CFHR4: variants seen among roughly 807,000 people sequenced by gnomAD.
CFHR4 encodes the protein complement factor H-related protein 4.
A neutral mutation model predicts 69.3 loss-of-function variants in CFHR4; 64 were observed. The ratio of observed to expected loss-of-function variants is 0.92; its 90% CI spans 0.76 to 1.14. CFHR4 has a LOEUF of 1.14. Among genes scored for constraint, CFHR4 ranks in the 50% most tolerant of loss-of-function variants. The pLI, the probability that CFHR4 is intolerant of heterozygous loss-of-function variation, is 0.00. For synonymous variants in CFHR4, 244 were observed against 237.0 expected (o/e 1.03, Z -0.27); for missense variants, 636 against 684.9 (o/e 0.93, Z 0.80).
At chr1:196,907,165 A>G in intron 4 of CFHR4, 128 bp downstream of exon 4, 2 of 1,195,360 alleles carry the variant, frequency 1.7e-6, no homozygotes, top group East Asian at 2.6e-5. Context: ...TTGAGTGTGA[A>G]TTACCTTGAA....
intron 1 of CFHR4, 132 bp downstream of exon 1, chr1:196,888,340 T>G: frequency 2.4e-6 from 2 of 825,274 alleles, no homozygotes; most frequent in Admixed American, 4.7e-5. Flanking sequence ...AAGTAGCATA[T>G]TTTGTGAGAG....
chr1:196,894,262 G>A (rs1657176262), intron 1 of CFHR4, among the ~76,000 whole-genome samples: 1 of 151,512 alleles, frequency 6.6e-6, no homozygotes, highest in Non-Finnish European at 1.5e-5. Context: ...AACAATAAAA[G>A]CTTTTAGGTT....
rs868843353 is a variant in CFHR4 at position 196,891,291 on chromosome 1, G to A, written c.58+3083G>A. 1.5e-4 allele frequency among the ~76,000 whole-genome samples: 23 copies of A among 151,424 alleles called. 1 individual carries two copies. Among genetic ancestry groups the A allele is most frequent in the Middle Eastern group, 3.4e-3 (1 of 294 alleles). On this transcript the variant is annotated intron_variant, in intron 1 of 9. Coordinates refer to ENST00000608469, the MANE Select transcript of CFHR4 (RefSeq NM_001201550.3). Reference sequence around the variant, plus strand: ...AATAAAATGATTTCCTTTAGTTTACGTCTCTTTCTTCCTTGGACTAAATAT... The same window carrying A: ...AATAAAATGATTTCCTTTAGTTTACATCTCTTTCTTCCTTGGACTAAATAT...
chr1:196,910,610 C>A, intron 6 of CFHR4, 132 bp downstream of exon 6: 2 of 664,708 alleles, frequency 3.0e-6, no homozygotes, highest in Non-Finnish European at 5.0e-6. Flanking sequence ...GCAAAAACAC[C>A]AAACTAGATC....
In CFHR4 at chr1:196,888,222, G is replaced by T; in HGVS notation, c.58+14G>T. On this transcript the variant is annotated intron_variant, in intron 1 of 9. Transcript: ENST00000608469. ...CTAATGGACAAGGTAAGTTGAAAGAGATCTAAACACTCAGCTTCCCTCTTA... is the reference window on the plus strand; with the variant it reads ...CTAATGGACAAGGTAAGTTGAAAGATATCTAAACACTCAGCTTCCCTCTTA... 1 of 1,609,640 alleles carries T rather than the reference G, an allele frequency of 6.2e-7. No individual in the cohort carries two copies. Among genetic ancestry groups the T allele is most frequent in the Non-Finnish European group, 8.5e-7 (1 of 1,177,354 alleles).
chr1:196,901,203 ATT>A (rs1401416353), intron 1 of CFHR4, among the ~76,000 whole-genome samples: 1 of 151,282 alleles, frequency 6.6e-6, no homozygotes, highest in African/African-American at 2.4e-5. Context: ...TTAAGATGCT[ATT>A]TATAAGCAAT....
intron 1 of CFHR4, among the ~76,000 whole-genome samples, chr1:196,900,349 AC>A (rs1275529017): frequency 6.9e-6 from 1 of 144,580 alleles, no homozygotes; most frequent in Non-Finnish European, 1.5e-5. Context: ...TTAGAGAACT[AC>A]CATATGAGAA....
At chr1:196,888,540 A>G (rs563912856) in intron 1 of CFHR4, among the ~76,000 whole-genome samples, 2 of 151,320 alleles carry the variant, frequency 1.3e-5, no homozygotes, top group Admixed American at 6.6e-5. Context: ...AAATGTTCAG[A>G]ATTTTCTTAT....
chr1:196,902,365 TTATC>T, intron 1 of CFHR4, 49 bp from the exon 2 acceptor site: 1 of 1,198,004 alleles, frequency 8.3e-7, no homozygotes, highest in Non-Finnish European at 1.2e-6. Context: ...TCATATATGA[TTATC>T]TGTTATAGAA....
intron 1 of CFHR4, 44 bp downstream of exon 1, chr1:196,888,252 T>A: frequency 6.3e-7 from 1 of 1,574,810 alleles, no homozygotes; most frequent in Non-Finnish European, 8.7e-7. Flanking sequence ...CTCTTAAATG[T>A]AACTTCGTGT....
At position 196,912,789 on chromosome 1, in the gene CFHR4, A is replaced by G; in HGVS notation, c.1047A>G (p.Glu349=). ...DIEIENGFIS[E]SSSIYILNKE... ...AAATTGAAAATGGATTCATTTCTGA[A>G]TCTTCCTCTATTTATATTTTAAATA... Residue 349 remains glutamate (E), a synonymous_variant, in exon 7 of 10, where the codon GAA becomes GAG. Transcript: ENST00000608469. The G allele has an allele frequency of 6.3e-7, 1 of 1,599,270 alleles. No homozygotes were observed. Among genetic ancestry groups the G allele is most frequent in the Non-Finnish European group, 8.5e-7 (1 of 1,172,892 alleles).
intron 1 of CFHR4, among the ~76,000 whole-genome samples, chr1:196,898,442 A>G (rs1488505735): frequency 6.6e-6 from 1 of 151,652 alleles, no homozygotes. Context: ...TTTCCAAAGT[A>G]GATAATTCTA....
At chr1:196,916,671 A>AAATTT (rs1295348336) in intron 9 of CFHR4, among the ~76,000 whole-genome samples, 2 of 151,736 alleles carry the variant, frequency 1.3e-5, no homozygotes, top group Admixed American at 1.3e-4. Flanking sequence ...TTTCATAGAA[A>AAATTT]AGTGTTAGGT....
In CFHR4 at chr1:196,907,411, T is replaced by C. The variant is rs750701448; in HGVS notation, c.712T>C (p.Tyr238His). 3 of 1,611,992 alleles carry C rather than the reference T, an allele frequency of 1.9e-6. No homozygotes were observed. The highest frequency in any genetic ancestry group is 3.3e-5 in the Admixed American group (2 of 59,870). Residue 238 changes from tyrosine (Y) to histidine (H), a missense_variant, in exon 5 of 10, where the codon TAC becomes CAC. Transcript: ENST00000608469. Reference sequence around the variant, plus strand: ...GTATCTGCCATGGTCAAGAGTCGAGTACCAGTGCCAGTCCTACTATGAACT... The same window carrying C: ...GTATCTGCCATGGTCAAGAGTCGAGCACCAGTGCCAGTCCTACTATGAACT... ...KVYLPWSRVE[Y>H]QCQSYYELQG...
chr1:196,901,664 G>A (rs1657614378), intron 1 of CFHR4, among the ~76,000 whole-genome samples: 1 of 151,080 alleles, frequency 6.6e-6, no homozygotes, highest in South Asian at 2.1e-4. Context: ...GAAATATCAA[G>A]TATAAGCCTT....
chr1:196,911,831 C>T (rs1395829896), intron 6 of CFHR4, among the ~76,000 whole-genome samples: 1 of 151,436 alleles, frequency 6.6e-6, no homozygotes, highest in Non-Finnish European at 1.5e-5. Context: ...GAAAATAAAA[C>T]TGTTTACAAT....
chr1:196,894,532 G>A (rs1657189246), intron 1 of CFHR4, among the ~76,000 whole-genome samples: 1 of 151,488 alleles, frequency 6.6e-6, no homozygotes, highest in Non-Finnish European at 1.5e-5. Flanking sequence ...ATCTGGGAAT[G>A]AATTAATTTC....
At chr1:196,897,313 G>C (rs938144270) in intron 1 of CFHR4, among the ~76,000 whole-genome samples, 1 of 151,390 alleles carries the variant, frequency 6.6e-6, no homozygotes, top group Non-Finnish European at 1.5e-5. Context: ...CAGCGTCTAG[G>C]GTAGGCGTCT....
chr1:196,913,358 C>A (rs752578994), intron 7 of CFHR4, among the ~76,000 whole-genome samples: 1 of 151,392 alleles, frequency 6.6e-6, no homozygotes, highest in Non-Finnish European at 1.5e-5. Flanking sequence ...CTGCTAGCAT[C>A]AGGAGAATCA....
Sources: gnomAD v4.1 joint callset for allele counts (sites outside exome capture counted in the v4.1 genomes callset) on GRCh38, gnomAD v4.1.1 for gene constraint, MANE v1.5 for transcripts, NCBI Gene and HGNC (gene_info 2026-07-23, HGNC 2026-07-21) for gene names.